XYLT1: variants seen among roughly 807,000 people sequenced by gnomAD.
The protein encoded by XYLT1 is xylosyltransferase 1, also known as beta-D-xylosyltransferase 1.
In XYLT1, 36 loss-of-function variants were observed where a neutral mutation model predicts 91.3. The observed-to-expected ratio is 0.39, with a 90% confidence interval of 0.30 to 0.52. The LOEUF is 0.52. XYLT1 is among the 20% of genes least tolerant of loss of function. XYLT1 has a pLI of 0.68. For missense variants in XYLT1, 1,242 were observed against 1,284.5 expected (o/e 0.97, Z 0.51); for synonymous variants, 588 against 532.0 (o/e 1.11, Z -1.45).
intron 1 of XYLT1, among the ~76,000 whole-genome samples, chr16:17,414,036 C>T (rs2036148168): frequency 6.6e-6 from 1 of 152,166 alleles, no homozygotes; most frequent in Non-Finnish European, 1.5e-5. Flanking sequence ...CTTGCCTCAC[C>T]TTTCCTGTGG....
chr16:17,178,288 C>A (rs113355748), intron 5 of XYLT1, among the ~76,000 whole-genome samples: 2,475 of 152,108 alleles, frequency 0.016, 67 homozygotes, highest in African/African-American at 0.056. Context: ...ATAAAGGGAG[C>A]CTGCTGTTTA....
intron 1 of XYLT1, among the ~76,000 whole-genome samples, chr16:17,424,113 C>T (rs1344996247): frequency 6.6e-6 from 1 of 152,220 alleles, no homozygotes; most frequent in Non-Finnish European, 1.5e-5. Flanking sequence ...AGGAGACACT[C>T]GGTCATCATC....
chr16:17,168,561 C>T (rs1473243763), intron 5 of XYLT1, among the ~76,000 whole-genome samples: 1 of 152,052 alleles, frequency 6.6e-6, no homozygotes, highest in Admixed American at 6.6e-5. Flanking sequence ...CTGGAGCAAA[C>T]CTGCACACGT....
chr16:17,113,048 A>G (rs1409294324), intron 11 of XYLT1, among the ~76,000 whole-genome samples: 2 of 151,982 alleles, frequency 1.3e-5, no homozygotes, highest in Non-Finnish European at 2.9e-5. Context: ...CACGTTGGTC[A>G]GGCTGGTCTT....
At chr16:17,428,673 A>C (rs2036349068) in intron 1 of XYLT1, among the ~76,000 whole-genome samples, 1 of 152,182 alleles carries the variant, frequency 6.6e-6, no homozygotes, top group South Asian at 2.1e-4. Flanking sequence ...CCCACTCACC[A>C]ACTGACATCC....
chr16:17,138,113 G>C (rs928132675), intron 8 of XYLT1: 27 of 451,490 alleles, frequency 6.0e-5, no homozygotes, highest in Non-Finnish European at 3.9e-6. Context: ...TCCCTAAAAT[G>C]GAATAATAAT....
intron 1 of XYLT1, among the ~76,000 whole-genome samples, chr16:17,387,492 G>A (rs942412211): frequency 1.3e-5 from 2 of 152,180 alleles, no homozygotes; most frequent in African/African-American, 4.8e-5. Context: ...CCTTGGGAGA[G>A]GAGCTATAAA....
chr16:17,184,042 A>T (rs1428185338), intron 5 of XYLT1, among the ~76,000 whole-genome samples: 1 of 152,150 alleles, frequency 6.6e-6, no homozygotes, highest in Non-Finnish European at 1.5e-5. Context: ...GCAAGGGAAG[A>T]ATAATAGACT....
chr16:17,156,339 TAC>T (rs909923596), intron 6 of XYLT1, among the ~76,000 whole-genome samples: 113 of 152,346 alleles, frequency 7.4e-4, no homozygotes, highest in Non-Finnish European at 1.3e-3. Context: ...TTGATACATT[TAC>T]AATGGGCTCC....
chr16:17,357,192 A>C (rs1323024053), intron 2 of XYLT1, among the ~76,000 whole-genome samples: 4 of 147,966 alleles, frequency 2.7e-5, no homozygotes, highest in Admixed American at 6.7e-5. Context: ...AAAAAAAAAA[A>C]AAAAAAACGC....
At chr16:17,227,420 G>A (rs1597206548) in intron 3 of XYLT1, 1 of 152,932 alleles carries the variant, frequency 6.5e-6, no homozygotes, top group Non-Finnish European at 1.5e-5. Context: ...TAAGGGAGGA[G>A]GAGCAGCAGG....
At chr16:17,310,933 C>T (rs1000364986) in intron 2 of XYLT1, among the ~76,000 whole-genome samples, 4 of 152,100 alleles carry the variant, frequency 2.6e-5, no homozygotes, top group Non-Finnish European at 4.4e-5. Context: ...GGGTCATGTC[C>T]CACAGCTCCA....
chr16:17,317,847 C>T (rs2034659513), intron 2 of XYLT1, among the ~76,000 whole-genome samples: 4 of 152,056 alleles, frequency 2.6e-5, no homozygotes. Context: ...GTTTCAGCCA[C>T]CACGGCGAGC....
intron 1 of XYLT1, among the ~76,000 whole-genome samples, chr16:17,413,582 T>C (rs2036141352): frequency 6.6e-6 from 1 of 151,920 alleles, no homozygotes; most frequent in Non-Finnish European, 1.5e-5. Context: ...GGACTACAGG[T>C]GCTCACCACC....
chr16:17,138,335 A>C lies in XYLT1; in HGVS notation c.1764+20T>G, dbSNP rs1337667629. ...GGAAGGCATCACTTAGGAGGCTGGC[A>C]GACCATGAGAAAGTCTCACCTGGAA... On this transcript the variant is annotated intron_variant, in intron 8 of 11. Coordinates refer to ENST00000261381, the MANE Select transcript of XYLT1 (RefSeq NM_022166.4). 3 of 1,601,324 alleles carry C rather than the reference A, an allele frequency of 1.9e-6. No individual in the cohort carries two copies. In the African/African-American group the frequency reaches 4.0e-5, roughly 21 times the overall value.
chr16:17,428,361 C>T (rs1008477753), intron 1 of XYLT1, among the ~76,000 whole-genome samples: 2 of 152,156 alleles, frequency 1.3e-5, no homozygotes, highest in South Asian at 2.1e-4. Context: ...GCAGAGCTTA[C>T]ACCTGACCCT....
At chr16:17,355,044 T>A (rs1295216983) in intron 2 of XYLT1, 1 of 152,560 alleles carries the variant, frequency 6.6e-6, no homozygotes, top group African/African-American at 2.4e-5. Flanking sequence ...GAGCATCGTT[T>A]GCAGACAAAT....
intron 2 of XYLT1, among the ~76,000 whole-genome samples, chr16:17,343,284 C>A (rs554926771): frequency 6.6e-6 from 1 of 152,182 alleles, no homozygotes; most frequent in Non-Finnish European, 1.5e-5. Context: ...CGTCTCCCTG[C>A]GGTCTTTCAG....
In XYLT1 at chr16:17,382,213, T is replaced by C. The variant is rs1000243256; in HGVS notation, c.364-24163A>G. ...AGATGCCGGTATTTGGGCCTCTCCA[T>C]CTTTCTGGGGTGGAAAGTATCACTG... On this transcript the variant is annotated intron_variant, in intron 1 of 11. Coordinates refer to ENST00000261381, the MANE Select transcript of XYLT1 (RefSeq NM_022166.4). Among the ~76,000 whole-genome samples, 19 of 151,960 alleles carry C rather than the reference T, an allele frequency of 1.3e-4. 3 individuals carry two copies. Among genetic ancestry groups the C allele is most frequent in the Admixed American group, 1.1e-3 (16 of 15,170 alleles).
Sources: allele counts gnomAD v4.1 joint callset (sites outside exome capture counted in the v4.1 genomes callset), GRCh38; gene constraint gnomAD v4.1.1; transcripts MANE v1.5; gene names NCBI Gene and HGNC (gene_info 2026-07-23, HGNC 2026-07-21).